TMEM156: variants seen among roughly 807,000 people sequenced by gnomAD.
TMEM156 encodes the protein transmembrane protein 156.
A neutral mutation model predicts 30.5 loss-of-function variants in TMEM156; 28 were observed. That is an observed-to-expected ratio of 0.92 (90% CI 0.68 to 1.26). The LOEUF (loss-of-function observed/expected upper bound fraction) is 1.26, where lower values mean the gene tolerates loss of function less well. TMEM156 is among the 50% of genes most tolerant of loss of function. TMEM156 has a pLI of 0.00. For synonymous variants in TMEM156, 137 were observed against 119.9 expected, an observed-to-expected ratio of 1.14 and a Z score of -0.93; for missense variants, 351 against 340.6, an observed-to-expected ratio of 1.03 and a Z score of -0.24.
intron 5 of TMEM156, among the ~76,000 whole-genome samples, chr4:38,974,564 C>A (rs1447945076): frequency 6.6e-6 from 1 of 152,052 alleles, no homozygotes; most frequent in Admixed American, 6.6e-5. Flanking sequence ...AACACATTTT[C>A]TATTTCTTCC....
chr4:39,009,927 A>C (rs1713998209), intron 1 of TMEM156, among the ~76,000 whole-genome samples: 1 of 152,188 alleles, frequency 6.6e-6, no homozygotes, highest in African/African-American at 2.4e-5. Flanking sequence ...AATAAAAGGA[A>C]TCCAAATAGG....
intron 5 of TMEM156, among the ~76,000 whole-genome samples, chr4:38,974,400 A>C (rs1217300402): frequency 6.6e-6 from 1 of 151,834 alleles, no homozygotes; most frequent in Admixed American, 6.6e-5. Flanking sequence ...TCTTTCTTGG[A>C]TTTGAATATT....
At chr4:38,980,737 A>G in intron 5 of TMEM156, 1 of 163,818 alleles carries the variant, frequency 6.1e-6, no homozygotes, top group South Asian at 2.0e-4. Context: ...CCAAGATCAG[A>G]TGGGAAAGGA....
chr4:38,996,457 A>G (rs899311882), intron 2 of TMEM156, among the ~76,000 whole-genome samples: 8 of 152,108 alleles, frequency 5.3e-5, no homozygotes, highest in African/African-American at 1.9e-4. Context: ...CTGTAATCCC[A>G]GCTACTCAGG....
chr4:38,976,911 GTTGTTC>G (rs1722883380), intron 5 of TMEM156, among the ~76,000 whole-genome samples: 1 of 142,870 alleles, frequency 7.0e-6, no homozygotes, highest in Non-Finnish European at 1.6e-5. Context: ...TGTTGTTGTT[GTTGTTC>G]TTGTTTGAGA....
intron 3 of TMEM156, among the ~76,000 whole-genome samples, chr4:38,992,301 A>C (rs921647384): frequency 6.6e-6 from 1 of 151,832 alleles, no homozygotes; most frequent in Non-Finnish European, 1.5e-5. Context: ...CATGACCCCA[A>C]CACCTGACAC....
At position 38,986,472 on chromosome 4, in the gene TMEM156, A is replaced by G. The variant is rs1046398234; in HGVS notation, c.740-53T>C. 10 of 1,315,794 alleles carry G rather than the reference A, an allele frequency of 7.6e-6. No homozygotes were observed. The East Asian group carries it at 2.1e-4, about 28-fold the overall frequency. The allele number at this position is 1,315,794 out of a possible 1,614,324, so 81.5% of individuals were successfully genotyped here. On this transcript the variant is annotated intron_variant, in intron 4 of 6. Coordinates refer to ENST00000381938, the MANE Select transcript of TMEM156 (RefSeq NM_024943.3). ...TAGATGATAAACAAGCGCATTGTTA[A>G]CATATATTCCCCATGTTGGTTCAAA...
chr4:38,982,262 C>T (rs1295300809), intron 5 of TMEM156, among the ~76,000 whole-genome samples: 2 of 152,194 alleles, frequency 1.3e-5, no homozygotes, highest in African/African-American at 4.8e-5. Context: ...CTTCCTTACT[C>T]CTCAGCTTGC....
At chr4:38,999,166 G>A (rs1713160937) in intron 1 of TMEM156, among the ~76,000 whole-genome samples, 1 of 140,888 alleles carries the variant, frequency 7.1e-6, no homozygotes, top group Non-Finnish European at 1.5e-5. Context: ...GCCCAGGCTA[G>A]AGTGCAGTGG....
intron 5 of TMEM156, among the ~76,000 whole-genome samples, chr4:38,983,465 C>T (rs1711731669): frequency 6.6e-6 from 1 of 152,146 alleles, no homozygotes; most frequent in Non-Finnish European, 1.5e-5. Context: ...GTGGTGTGAC[C>T]TCGGCTCACT....
At chr4:39,031,631 A>G (rs922345641) in intron 1 of TMEM156, among the ~76,000 whole-genome samples, 9 of 152,128 alleles carry the variant, frequency 5.9e-5, no homozygotes, top group Non-Finnish European at 1.2e-4. Context: ...CAAGCCTGTA[A>G]TCTCAGCATT....
intron 3 of TMEM156, among the ~76,000 whole-genome samples, chr4:38,989,585 A>G (rs1490403199): frequency 2.6e-5 from 4 of 152,150 alleles, no homozygotes; most frequent in African/African-American, 9.7e-5. Flanking sequence ...ATAAGGATAC[A>G]GGTATAAACT....
At chr4:39,006,539 T>C (rs1228590209) in intron 1 of TMEM156, among the ~76,000 whole-genome samples, 3 of 152,138 alleles carry the variant, frequency 2.0e-5, no homozygotes, top group Non-Finnish European at 4.4e-5. Context: ...CTGAAGTCCT[T>C]CTTCCTTAAG....
intron 5 of TMEM156, among the ~76,000 whole-genome samples, chr4:38,979,217 C>T (rs1723056289): frequency 6.6e-6 from 1 of 152,206 alleles, no homozygotes; most frequent in African/African-American, 2.4e-5. Context: ...AGCACTGGAC[C>T]AGATAGATTC....
intron 1 of TMEM156, among the ~76,000 whole-genome samples, chr4:39,010,299 T>C (rs78207429): frequency 6.6e-6 from 1 of 152,128 alleles, no homozygotes; most frequent in Non-Finnish European, 1.5e-5. Flanking sequence ...GAATAATCAA[T>C]ATCATTAAAG....
chr4:39,001,539 TTC>T (rs777879983), intron 1 of TMEM156, among the ~76,000 whole-genome samples: 2,021 of 83,072 alleles, frequency 0.024, 18 homozygotes, highest in Non-Finnish European at 0.046. Context: ...GAATTACTTC[TTC>T]TTTTTTTTTT....
chr4:39,014,927 G>A (rs1415113622), intron 1 of TMEM156, among the ~76,000 whole-genome samples: 2 of 151,982 alleles, frequency 1.3e-5, no homozygotes, highest in African/African-American at 4.8e-5. Context: ...GAATTGCCTG[G>A]AAAATCATCT....
chr4:38,982,548 A>T (rs1376440275), intron 5 of TMEM156, among the ~76,000 whole-genome samples: 1 of 152,152 alleles, frequency 6.6e-6, no homozygotes, highest in Non-Finnish European at 1.5e-5. Context: ...TTTCTTGCTC[A>T]TCCGCTCTTT....
chr4:39,030,179 T>TG (rs1715433520), intron 1 of TMEM156, among the ~76,000 whole-genome samples: 1 of 144,152 alleles, frequency 6.9e-6, no homozygotes, highest in South Asian at 2.2e-4. Flanking sequence ...CCCTGTCTCT[T>TG]AAAAAAAAAA....
Sources: allele counts gnomAD v4.1 joint callset (sites outside exome capture counted in the v4.1 genomes callset), GRCh38; gene constraint gnomAD v4.1.1; transcripts MANE v1.5; gene names NCBI Gene and HGNC (gene_info 2026-07-23, HGNC 2026-07-21).